B3GALT1: variants seen among roughly 807,000 people sequenced by gnomAD.
The protein encoded by B3GALT1 is UDP-Gal:betaGlcNAc beta 1,3-galactosyltransferase, polypeptide 1.
Under a neutral mutation model 23.2 loss-of-function variants are expected in B3GALT1, and 10 were observed. The observed-to-expected ratio is 0.43, with a 90% confidence interval of 0.27 to 0.73. The LOEUF (loss-of-function observed/expected upper bound fraction) is 0.73, where lower values mean the gene tolerates loss of function less well. Ranked by LOEUF, B3GALT1 falls within the 30% of genes least tolerant of loss-of-function variation. The probability of loss-of-function intolerance (pLI) is 0.21; values close to 1 mark genes in which losing one functional copy is unlikely to be tolerated. For missense variants in B3GALT1, 299 were observed against 405.4 expected, an observed-to-expected ratio of 0.74 and a Z score of 2.25; for synonymous variants, 156 against 141.5, an observed-to-expected ratio of 1.10 and a Z score of -0.73.
At chr2:167,613,257 A>G (rs1574168121) in intron 2 of B3GALT1, among the ~76,000 whole-genome samples, 1 of 152,058 alleles carries the variant, frequency 6.6e-6, no homozygotes, top group East Asian at 1.9e-4. Flanking sequence ...TTTATAATAT[A>G]AGAAATGTAT....
At chr2:167,825,975 T>C (rs1689216179) in intron 4 of B3GALT1, among the ~76,000 whole-genome samples, 1 of 152,234 alleles carries the variant, frequency 6.6e-6, no homozygotes, top group Non-Finnish European at 1.5e-5. Flanking sequence ...CTCTGATTCC[T>C]TCTCTTTCAG....
intron 4 of B3GALT1, among the ~76,000 whole-genome samples, chr2:167,825,283 CAA>C (rs71963760): frequency 3.9e-4 from 32 of 82,214 alleles, no homozygotes; most frequent in African/African-American, 1.6e-3. Context: ...GACTCCGTCT[CAA>C]AAAAAAAAAA....
intron 4 of B3GALT1, among the ~76,000 whole-genome samples, chr2:167,863,990 A>ATGTGTATGTG (rs1553497849): frequency 4.9e-5 from 7 of 143,620 alleles, no homozygotes; most frequent in Non-Finnish European, 1.1e-4. Flanking sequence ...GCATGTATGT[A>ATGTGTATGTG]TGTGTGTGTG....
chr2:167,831,538 T>G (rs1171589665), intron 4 of B3GALT1, among the ~76,000 whole-genome samples: 1 of 152,008 alleles, frequency 6.6e-6, no homozygotes, highest in Non-Finnish European at 1.5e-5. Flanking sequence ...GCCAAAAAAT[T>G]AGAGTATTAT....
intron 3 of B3GALT1, among the ~76,000 whole-genome samples, chr2:167,805,857 G>C (rs913469195): frequency 5.9e-5 from 9 of 152,018 alleles, no homozygotes; most frequent in African/African-American, 1.2e-4. Context: ...TCTTCCAATT[G>C]TGTGAAGAAA....
In B3GALT1 at chr2:167,869,756, T is replaced by C. The variant is rs1447234405; in HGVS notation, c.717T>C (p.Thr239=). The change falls in exon 5 of 5, where the codon ACT becomes ACC. Residue 239 remains threonine (T), a synonymous_variant. Coordinates refer to ENST00000392690, the MANE Select transcript of B3GALT1 (RefSeq NM_020981.4). This position sits in a 1 kb window ranked among gnomAD's most constrained non-coding sequence, Gnocchi z 6.4. ...DSNYPPFCSG[T]GYIFSADVAE... is the part of the protein sequence containing the mutation. ...ACTACCCACCTTTCTGTTCGGGGAC[T>C]GGCTACATCTTTTCAGCCGATGTAG... is the stretch of plus-strand genomic sequence containing the variant. The C allele has an allele frequency of 1.2e-6, 2 of 1,614,068 alleles. No individual in the cohort carries two copies. The highest frequency in any genetic ancestry group is 1.7e-6 in the Non-Finnish European group (2 of 1,180,038).
At chr2:167,528,049 A>G (rs1380646364) in intron 2 of B3GALT1, among the ~76,000 whole-genome samples, 2 of 152,320 alleles carry the variant, frequency 1.3e-5, no homozygotes, top group African/African-American at 4.8e-5. Context: ...ATGTTGCAAT[A>G]TACCATCAAG....
intron 2 of B3GALT1, among the ~76,000 whole-genome samples, chr2:167,551,522 G>A (rs1683745883): frequency 6.6e-6 from 1 of 152,154 alleles, no homozygotes; most frequent in Non-Finnish European, 1.5e-5. Context: ...CAAGATCATT[G>A]TGTAGACTTG....
intron 2 of B3GALT1, among the ~76,000 whole-genome samples, chr2:167,508,157 C>A (rs1388997622): frequency 1.3e-5 from 2 of 152,126 alleles, no homozygotes; most frequent in Admixed American, 6.5e-5. Flanking sequence ...GGGTTAGGAT[C>A]TGAAGGTATG....
chr2:167,787,509 C>A (rs1406597149), intron 3 of B3GALT1, among the ~76,000 whole-genome samples: 1 of 152,204 alleles, frequency 6.6e-6, no homozygotes, highest in Non-Finnish European at 1.5e-5. Context: ...TTCTATTTGT[C>A]TTGAAATAAT....
intron 1 of B3GALT1, among the ~76,000 whole-genome samples, chr2:167,378,700 ATTTC>A (rs1697799454): frequency 6.6e-6 from 1 of 151,868 alleles, no homozygotes; most frequent in Admixed American, 6.6e-5. Context: ...AAAGATATCT[ATTTC>A]TTATTTCATT....
At chr2:167,680,987 T>A (rs958375066) in intron 3 of B3GALT1, among the ~76,000 whole-genome samples, 1 of 152,198 alleles carries the variant, frequency 6.6e-6, no homozygotes, top group Non-Finnish European at 1.5e-5. Context: ...TTAATTCTTT[T>A]AAAATTTGTA....
intron 1 of B3GALT1, among the ~76,000 whole-genome samples, chr2:167,473,704 C>T (rs917261982): frequency 1.3e-5 from 2 of 152,042 alleles, no homozygotes; most frequent in Non-Finnish European, 2.9e-5. Context: ...AAGGTGACCA[C>T]ATGAGTGAAC....
intron 1 of B3GALT1, among the ~76,000 whole-genome samples, chr2:167,355,430 A>G (rs1399027198): frequency 6.6e-6 from 1 of 152,214 alleles, no homozygotes; most frequent in East Asian, 1.9e-4. Flanking sequence ...TATACAGTTG[A>G]ACTTGATCAA....
intron 2 of B3GALT1, among the ~76,000 whole-genome samples, chr2:167,613,668 A>G (rs1033536629): frequency 3.3e-5 from 5 of 151,824 alleles, no homozygotes; most frequent in African/African-American, 9.7e-5. Flanking sequence ...TGTTGGGAAG[A>G]AAGCCCAGAT....
intron 2 of B3GALT1, among the ~76,000 whole-genome samples, chr2:167,532,953 G>C (rs7561535): frequency 0.56 from 83,078 of 149,274 alleles, 26,078 homozygotes; most frequent in East Asian, 0.99. Context: ...CCTCCACCTC[G>C]TGGGTTCAAG....
chr2:167,854,060 G>C (rs755248644), intron 4 of B3GALT1, among the ~76,000 whole-genome samples: 14 of 152,198 alleles, frequency 9.2e-5, no homozygotes, highest in Non-Finnish European at 2.1e-4. Context: ...GATGAGCACA[G>C]TAGGGATTGA....
At chr2:167,843,437 G>A (rs1030548705) in intron 4 of B3GALT1, among the ~76,000 whole-genome samples, 5 of 152,174 alleles carry the variant, frequency 3.3e-5, no homozygotes, top group Non-Finnish European at 2.9e-5. Flanking sequence ...GGAATCCTCA[G>A]TGCTTGGCAG....
intron 3 of B3GALT1, among the ~76,000 whole-genome samples, chr2:167,711,529 A>G (rs1687048313): frequency 6.6e-6 from 1 of 152,188 alleles, no homozygotes; most frequent in Non-Finnish European, 1.5e-5. Context: ...AAAGCACTAA[A>G]TGCTATTCTG....
Sources: gnomAD v4.1 joint callset for allele counts (sites outside exome capture counted in the v4.1 genomes callset) on GRCh38, gnomAD v4.1.1 for gene constraint, Gnocchi (gnomAD v3.1) non-coding constraint, MANE v1.5 for transcripts, NCBI Gene and HGNC (gene_info 2026-07-23, HGNC 2026-07-21) for gene names.